The following RAB6A variants were observed in gnomAD, a reference collection of about 807,000 sequenced individuals.
RAB6A encodes the protein ras-related protein Rab-6A.
A neutral mutation model predicts 32.3 loss-of-function variants in RAB6A; 8 were observed. The ratio of observed to expected loss-of-function variants is 0.25; its 90% CI spans 0.15 to 0.45. RAB6A has a LOEUF of 0.45. RAB6A is among the 20% of genes least tolerant of loss of function. The pLI is 1.00. For synonymous variants in RAB6A, 73 were observed against 82.1 expected, an observed-to-expected ratio of 0.89 and a Z score of 0.60; for missense variants, 104 against 249.4, an observed-to-expected ratio of 0.42 and a Z score of 3.93.
rs376319719 is a variant in RAB6A at position 73,755,713 on chromosome 11, T to C, written c.70+4853A>G. ...GAGACAAGGCTGCAGTTGGCCATGATAGCCCCTGTGAACAGTCACTGCATC... is the reference window on the plus strand; with the variant it reads ...GAGACAAGGCTGCAGTTGGCCATGACAGCCCCTGTGAACAGTCACTGCATC... On this transcript the variant is annotated intron_variant, in intron 1 of 7. Transcript: ENST00000336083. 6.1e-5 allele frequency among the ~76,000 whole-genome samples: 9 copies of C among 147,690 alleles called. No homozygotes were observed. In the Admixed American group the frequency reaches 6.1e-4, roughly 10 times the overall value.
At chr11:73,726,208 C>T (rs1220663351) in intron 2 of RAB6A, among the ~76,000 whole-genome samples, 1 of 150,912 alleles carries the variant, frequency 6.6e-6, no homozygotes, top group Non-Finnish European at 1.5e-5. Context: ...TCGCTTGAAC[C>T]CAGGAGGCAG....
At chr11:73,701,950 A>C (rs1945752869) in intron 6 of RAB6A, among the ~76,000 whole-genome samples, 1 of 152,182 alleles carries the variant, frequency 6.6e-6, no homozygotes, top group African/African-American at 2.4e-5. Context: ...ACAGCCCACG[A>C]GGGACAGTTC....
At chr11:73,754,556 A>C (rs1026595889) in intron 1 of RAB6A, among the ~76,000 whole-genome samples, 1 of 152,238 alleles carries the variant, frequency 6.6e-6, no homozygotes. Context: ...AGATTTGCAA[A>C]TATGTAAAAC....
At chr11:73,749,999 T>A (rs1003626282) in intron 1 of RAB6A, among the ~76,000 whole-genome samples, 9 of 152,202 alleles carry the variant, frequency 5.9e-5, no homozygotes, top group African/African-American at 2.2e-4. Flanking sequence ...TACCTCTAAT[T>A]ACAACATTTT....
At chr11:73,695,054 T>A (rs1307779328) in intron 6 of RAB6A, among the ~76,000 whole-genome samples, 2 of 151,966 alleles carry the variant, frequency 1.3e-5, no homozygotes, top group South Asian at 2.1e-4. Context: ...TATATCCAAA[T>A]TTTTTTAATC....
intron 1 of RAB6A, among the ~76,000 whole-genome samples, chr11:73,745,756 C>T (rs753849097): frequency 4.6e-5 from 7 of 152,056 alleles, no homozygotes; most frequent in South Asian, 2.1e-4. Context: ...TGCTCGAACC[C>T]GGGAGGCAGA....
intron 1 of RAB6A, among the ~76,000 whole-genome samples, chr11:73,744,878 G>C (rs565371134): frequency 1.8e-3 from 269 of 152,030 alleles, no homozygotes; most frequent in African/African-American, 6.2e-3. Context: ...AGGAGGCTGA[G>C]GCAGGAGAAT....
intron 1 of RAB6A, among the ~76,000 whole-genome samples, chr11:73,755,708 C>T (rs570750829): frequency 6.7e-5 from 10 of 150,094 alleles, no homozygotes; most frequent in Admixed American, 4.0e-4. Context: ...TGCAGTTGGC[C>T]ATGATAGCCC....
intron 1 of RAB6A, among the ~76,000 whole-genome samples, chr11:73,736,354 G>A (rs916669599): frequency 3.9e-5 from 6 of 151,924 alleles, no homozygotes; most frequent in Non-Finnish European, 5.9e-5. Flanking sequence ...ACTTGAACCC[G>A]GGAGGCGGAG....
In RAB6A at chr11:73,685,885, C is replaced by CAAAAAAAAAAAAA. The variant is rs56270679; in HGVS notation, c.496-6178_496-6166dup. On this transcript the variant is annotated intron_variant, in intron 6 of 7. Transcript: ENST00000336083. ...AGGCAACAAGAGTGAAACTCCGTCT[C>CAAAAAAAAAAAAA]AAAAAAAAAAAAAAAAAAAAAAAGC... 5.8e-4 allele frequency among the ~76,000 whole-genome samples: 60 copies of CAAAAAAAAAAAAA among 103,022 alleles called. 2 individuals carry two copies. The highest frequency in any genetic ancestry group is 7.4e-4 in the Non-Finnish European group (41 of 55,138). 67.6% of individuals were successfully genotyped at this position (103,022 alleles called of 152,430 possible).
chr11:73,718,800 C>T, intron 3 of RAB6A, 82 bp from the exon 4 acceptor site: 2 of 1,613,794 alleles, frequency 1.2e-6, no homozygotes, highest in Non-Finnish European at 8.5e-7. Context: ...ATATCGTAAA[C>T]TACTACAGCT....
intron 2 of RAB6A, among the ~76,000 whole-genome samples, chr11:73,723,731 G>T (rs1331887912): frequency 6.6e-6 from 1 of 152,066 alleles, no homozygotes; most frequent in Non-Finnish European, 1.5e-5. Flanking sequence ...CCTTGCAAAG[G>T]TTACAGTCTG....
chr11:73,692,502 CAAAAAAA>C (rs34201129), intron 6 of RAB6A, among the ~76,000 whole-genome samples: 8 of 56,440 alleles, frequency 1.4e-4, no homozygotes, highest in Admixed American at 2.3e-4. Flanking sequence ...GACTCTGTCT[CAAAAAAA>C]AAAAAAAAAA....
intron 1 of RAB6A, among the ~76,000 whole-genome samples, chr11:73,739,282 AAAATAT>A (rs1210921848): frequency 2.0e-4 from 3 of 15,332 alleles, no homozygotes; most frequent in Non-Finnish European, 3.2e-4. Flanking sequence ...AAAAAAAAAA[AAAATAT>A]ATATATATAT....
intron 6 of RAB6A, among the ~76,000 whole-genome samples, chr11:73,698,760 C>T (rs988901763): frequency 1.3e-5 from 2 of 151,716 alleles, no homozygotes; most frequent in African/African-American, 4.8e-5. Context: ...TTGTATCATA[C>T]ATATGTTAAT....
chr11:73,739,165 A>G, intron 1 of RAB6A, among the ~76,000 whole-genome samples: 1 of 147,160 alleles, frequency 6.8e-6, no homozygotes, highest in Non-Finnish European at 1.5e-5. Context: ...GAATCGCTTG[A>G]ACCTGGGAAG....
In RAB6A at chr11:73,695,410, C is replaced by T. The variant is rs774930039; in HGVS notation, c.495+12010G>A. Among the ~76,000 whole-genome samples the T allele has an allele frequency of 2.7e-5, 4 of 150,266 alleles. No homozygotes were observed. The East Asian group carries it at 5.8e-4, about 22-fold the overall frequency. On this transcript the variant is annotated intron_variant, in intron 6 of 7. Coordinates refer to ENST00000336083, the MANE Select transcript of RAB6A (RefSeq NM_198896.2). The stretch of plus-strand genomic sequence containing the variant: ...TTTTTTCTTTTTTGAGACGGAGTCT[C>T]GCTCTGTCACCCAGGCTGGAATACA...
intron 1 of RAB6A, among the ~76,000 whole-genome samples, chr11:73,754,384 A>G (rs1240925302): frequency 6.6e-6 from 1 of 152,146 alleles, no homozygotes; most frequent in East Asian, 1.9e-4. Context: ...GGATGTCAAA[A>G]CCATTTTCAT....
intron 1 of RAB6A, among the ~76,000 whole-genome samples, chr11:73,759,575 C>T (rs1228228932): frequency 6.6e-6 from 1 of 151,982 alleles, no homozygotes; most frequent in Non-Finnish European, 1.5e-5. Flanking sequence ...AAAGGAAATC[C>T]GACAAAACAA....
Sources: gnomAD v4.1 joint callset for allele counts (sites outside exome capture counted in the v4.1 genomes callset) on GRCh38, gnomAD v4.1.1 for gene constraint, MANE v1.5 for transcripts, NCBI Gene and HGNC (gene_info 2026-07-23, HGNC 2026-07-21) for gene names.